The following RAB28 variants were observed in gnomAD, a reference collection of about 807,000 sequenced individuals.
The protein encoded by RAB28 is RAB28, member RAS oncogene family, also known as ras-related protein Rab-28.
In RAB28, 24 loss-of-function variants were observed where a neutral mutation model predicts 31.7. The ratio of observed to expected loss-of-function variants is 0.76; its 90% confidence interval spans 0.55 to 1.06. RAB28 has a LOEUF of 1.06. Among genes scored for constraint, RAB28 ranks in the 50% least tolerant of loss-of-function variants. The probability of loss-of-function intolerance (pLI) is 0.00; values close to 1 mark genes in which losing one functional copy is unlikely to be tolerated. For missense variants in RAB28, 254 were observed against 258.5 expected (o/e 0.98, Z 0.12); for synonymous variants, 100 against 90.4 (o/e 1.11, Z -0.60).
intron 4 of RAB28, among the ~76,000 whole-genome samples, chr4:13,450,704 AG>A (rs1200202654): frequency 6.6e-6 from 1 of 151,924 alleles, no homozygotes; most frequent in Non-Finnish European, 1.5e-5. Context: ...CTTGACAGAA[AG>A]GAAGACTGGG....
chr4:13,426,820 A>C (rs1713523322), intron 4 of RAB28, among the ~76,000 whole-genome samples: 1 of 152,196 alleles, frequency 6.6e-6, no homozygotes, highest in African/African-American at 2.4e-5. Context: ...TATTAGTTTT[A>C]GTGTTGGTAA....
chr4:13,426,728 A>C (rs1042692475), intron 4 of RAB28, among the ~76,000 whole-genome samples: 3 of 152,188 alleles, frequency 2.0e-5, no homozygotes, highest in Admixed American at 6.5e-5. Context: ...TAAATATATT[A>C]CCTTATTATA....
At chr4:13,434,181 G>C (rs1271249898) in intron 4 of RAB28, among the ~76,000 whole-genome samples, 1 of 152,072 alleles carries the variant, frequency 6.6e-6, no homozygotes, top group East Asian at 1.9e-4. Context: ...AGATGGAGTG[G>C]GGTAAAGGCT....
chr4:13,483,957 G>A (rs1247768643), intron 1 of RAB28, 119 bp downstream of exon 1: 6 of 937,822 alleles, frequency 6.4e-6, no homozygotes, highest in Admixed American at 4.6e-5. Context: ...AACCAGAAGG[G>A]CCCGGGCCTA....
intron 4 of RAB28, among the ~76,000 whole-genome samples, chr4:13,394,536 G>A (rs184609665): frequency 2.2e-4 from 33 of 152,236 alleles, no homozygotes; most frequent in Admixed American, 1.9e-3. Flanking sequence ...CCATGGCCCA[G>A]GGGTTGGGAA....
rs1171293143 is a variant in RAB28, at chr4:13,367,949, TA to T, written c.*608del. The T allele has an allele frequency of 2.4e-5, 23 of 976,594 alleles. No homozygotes were observed. The highest frequency in any genetic ancestry group is 2.8e-5 in the Non-Finnish European group (23 of 822,032). 60.5% of individuals were successfully genotyped at this position (976,594 alleles called of 1,614,324 possible). ...GTAATAAAAATACAATATCAAATAT[TA>T]CTTTGTGAGTTACAAACTACAATAT... On this transcript the variant is annotated 3_prime_UTR_variant, in exon 7 of 7. Coordinates refer to ENST00000330852, the MANE Select transcript of RAB28 (RefSeq NM_001017979.3).
At chr4:13,449,243 C>T (rs1288712072) in intron 4 of RAB28, among the ~76,000 whole-genome samples, 1 of 151,588 alleles carries the variant, frequency 6.6e-6, no homozygotes. Context: ...TAAATATTAC[C>T]AATTTAATAG....
chr4:13,426,785 T>C (rs1463918085), intron 4 of RAB28, among the ~76,000 whole-genome samples: 1 of 152,164 alleles, frequency 6.6e-6, no homozygotes, highest in African/African-American at 2.4e-5. Context: ...ATCAAAACAT[T>C]TGGCTGACCT....
intron 3 of RAB28, among the ~76,000 whole-genome samples, chr4:13,471,864 T>C (rs1201145963): frequency 6.6e-6 from 1 of 152,100 alleles, no homozygotes; most frequent in Non-Finnish European, 1.5e-5. Context: ...GAAGTCGATA[T>C]GTACCTTCAA....
In RAB28 at chr4:13,484,240, A is replaced by G. The variant is rs1251203409; in HGVS notation, c.-90T>C. 4.9e-6 allele frequency: 5 copies of G among 1,022,276 alleles called. No homozygotes were observed. Among genetic ancestry groups the G allele is most frequent in the Non-Finnish European group, 7.5e-6 (5 of 669,306 alleles). 63.3% of individuals were successfully genotyped at this position (1,022,276 alleles called of 1,614,324 possible). The stretch of plus-strand genomic sequence containing the variant: ...GGCGGGGGAGAGGAGGAAGGGAGGT[A>G]GTTGCGGCAGGACCCCCGCCCCGGT... On this transcript the variant is annotated 5_prime_UTR_variant, in exon 1 of 7. Coordinates refer to ENST00000330852, the MANE Select transcript of RAB28 (RefSeq NM_001017979.3).
intron 4 of RAB28, among the ~76,000 whole-genome samples, chr4:13,449,352 G>C (rs1714850854): frequency 6.6e-6 from 1 of 151,732 alleles, no homozygotes; most frequent in African/African-American, 2.4e-5. Flanking sequence ...TTTTCAAACT[G>C]GACATATAAC....
chr4:13,419,120 C>T (rs186549448), intron 4 of RAB28, among the ~76,000 whole-genome samples: 109 of 152,002 alleles, frequency 7.2e-4, no homozygotes, highest in Middle Eastern at 3.4e-3. Context: ...ATAAAACAGA[C>T]ATTAAAAAAA....
At chr4:13,371,998 T>C in intron 6 of RAB28, 2 of 834,750 alleles carry the variant, frequency 2.4e-6, no homozygotes, top group East Asian at 2.7e-5. Context: ...ACCTATGGGT[T>C]GGGGCACAAG....
At chr4:13,444,173 G>A (rs1027189074) in intron 4 of RAB28, among the ~76,000 whole-genome samples, 4 of 151,668 alleles carry the variant, frequency 2.6e-5, no homozygotes, top group African/African-American at 4.8e-5. Flanking sequence ...GACTACAGGC[G>A]CCCGCCACCA....
chr4:13,458,027 C>T (rs868618798), intron 4 of RAB28, among the ~76,000 whole-genome samples: 5 of 152,002 alleles, frequency 3.3e-5, no homozygotes, highest in African/African-American at 1.2e-4. Flanking sequence ...AGAAGCTGAA[C>T]CCAGAAACAG....
chr4:13,425,536 T>A (rs1713430950), intron 4 of RAB28, among the ~76,000 whole-genome samples: 1 of 152,152 alleles, frequency 6.6e-6, no homozygotes, highest in African/African-American at 2.4e-5. Context: ...ACATTAAAGT[T>A]GTGGCTGGGT....
intron 4 of RAB28, among the ~76,000 whole-genome samples, chr4:13,439,385 C>T (rs1416095791): frequency 6.6e-6 from 1 of 152,334 alleles, no homozygotes; most frequent in Non-Finnish European, 1.5e-5. Context: ...GACAAAGTCT[C>T]GCCCTGTCAC....
At chr4:13,455,227 C>A (rs553696076) in intron 4 of RAB28, among the ~76,000 whole-genome samples, 1 of 152,268 alleles carries the variant, frequency 6.6e-6, no homozygotes, top group East Asian at 1.9e-4. Context: ...CGGACCTGGG[C>A]ACAGACACAT....
At chr4:13,394,973 A>C (rs779418845) in intron 4 of RAB28, among the ~76,000 whole-genome samples, 4 of 152,130 alleles carry the variant, frequency 2.6e-5, no homozygotes, top group Non-Finnish European at 5.9e-5. Context: ...CACACACACA[A>C]AAACTGAGGT....
Sources: gnomAD v4.1 joint callset for allele counts (sites outside exome capture counted in the v4.1 genomes callset) on GRCh38, gnomAD v4.1.1 for gene constraint, MANE v1.5 for transcripts, NCBI Gene and HGNC (gene_info 2026-07-23, HGNC 2026-07-21) for gene names.